The following BNIP2 variants were observed in gnomAD, a reference collection of about 807,000 sequenced individuals.
The protein encoded by BNIP2 is BCL2 interacting protein 2, also known as BCL2/adenovirus E1B 19 kDa protein-interacting protein 2.
BNIP2 carries 36 observed loss-of-function variants against 43.4 expected under a neutral mutation model. The observed-to-expected ratio is 0.83, with a 90% CI of 0.64 to 1.10. The LOEUF is 1.10. BNIP2 is among the 50% of genes least tolerant of loss of function. The probability of loss-of-function intolerance (pLI) is 0.00; values close to 1 mark genes in which losing one functional copy is unlikely to be tolerated. For missense variants in BNIP2, 417 were observed against 374.1 expected, an observed-to-expected ratio of 1.11 and a Z score of -0.95; for synonymous variants, 146 against 121.0, an observed-to-expected ratio of 1.21 and a Z score of -1.35.
At chr15:59,680,011 A>G (rs1322978026) in intron 3 of BNIP2, among the ~76,000 whole-genome samples, 2 of 152,198 alleles carry the variant, frequency 1.3e-5, no homozygotes, top group South Asian at 4.1e-4. Context: ...TCTTACCACT[A>G]AAAATGATCT....
intron 9 of BNIP2, among the ~76,000 whole-genome samples, chr15:59,664,532 C>T (rs1044842809): frequency 3.3e-5 from 5 of 152,112 alleles, no homozygotes; most frequent in African/African-American, 9.7e-5. Flanking sequence ...CAGGCGCCCG[C>T]CACCATGCCC....
intron 7 of BNIP2, 114 bp from the exon 8 acceptor site, chr15:59,669,476 A>T: frequency 1.5e-6 from 1 of 686,558 alleles, no homozygotes; most frequent in East Asian, 3.1e-5. Flanking sequence ...AAAAGTTCTC[A>T]ATTAGGTGTG....
rs1016640204 is a variant in BNIP2, at chr15:59,664,092, C to T, written c.922G>A (p.Asp308Asn). ...QVDQELNGKQ[D>N]EPKNEQ ...ACTTACTGTTCATTTTTCGGTTCAT[C>T]TTGTTTTCCATTAAGTTCTTGATCA... Residue 308 changes from aspartate (D) to asparagine (N), a missense_variant, in exon 10 of 10, where the codon GAT (aspartate) becomes AAT (asparagine). By Grantham distance (23) the Asp-to-Asn change is conservative. Transcript: ENST00000607373. 3 of 1,549,272 alleles carry T rather than the reference C, an allele frequency of 1.9e-6. No individual in the cohort carries two copies. Among genetic ancestry groups the T allele is most frequent in the African/African-American group, 2.7e-5 (2 of 73,080 alleles).
intron 4 of BNIP2, chr15:59,678,933 C>A: frequency 1.8e-6 from 2 of 1,127,714 alleles, no homozygotes; most frequent in Admixed American, 3.5e-5. Context: ...GTTTATTGAA[C>A]CAGTAAAACA....
At chr15:59,682,925 G>A (rs1183675694) in intron 1 of BNIP2, among the ~76,000 whole-genome samples, 1 of 152,114 alleles carries the variant, frequency 6.6e-6, no homozygotes, top group African/African-American at 2.4e-5. Context: ...GTAAATAATA[G>A]TAAATCAATA....
Position 59,676,939 on chromosome 15 carries a change from C to T in BNIP2, c.472+972G>A, listed in dbSNP as rs115633067. 5.4e-4 allele frequency: 875 copies of T among 1,611,716 alleles called. 4 individuals are homozygous for T. In the African/African-American group the frequency reaches 0.011, roughly 20 times the overall value. ...ACGGACTCTTCACCCTCTGCGAGAA[C>T]AGCATGATCCTCTCTGCTGCCATCT... On this transcript the variant is annotated intron_variant, in intron 5 of 9. Coordinates refer to ENST00000607373, the MANE Select transcript of BNIP2 (RefSeq NM_004330.4).
chr15:59,669,652 A>C (rs1595690756), intron 7 of BNIP2, among the ~76,000 whole-genome samples: 1 of 152,198 alleles, frequency 6.6e-6, no homozygotes, highest in South Asian at 2.1e-4. Flanking sequence ...GTAAACAGGG[A>C]AAGAGGCCAA....
intron 5 of BNIP2, among the ~76,000 whole-genome samples, chr15:59,674,298 C>T (rs1893130395): frequency 6.6e-6 from 1 of 152,050 alleles, no homozygotes; most frequent in South Asian, 2.1e-4. Flanking sequence ...ATTTCAAGAA[C>T]ATCAGAATCT....
At chr15:59,683,489 G>T (rs1285920492) in intron 1 of BNIP2, among the ~76,000 whole-genome samples, 1 of 152,132 alleles carries the variant, frequency 6.6e-6, no homozygotes, top group Non-Finnish European at 1.5e-5. Flanking sequence ...GAGATACGGA[G>T]CATCACTAGC....
At chr15:59,673,430 A>T (rs1315226769) in intron 5 of BNIP2, among the ~76,000 whole-genome samples, 1 of 151,670 alleles carries the variant, frequency 6.6e-6, no homozygotes, top group Admixed American at 6.6e-5. Context: ...GTGCTTTTTT[A>T]AATTTTTTTT....
Position 59,668,905 on chromosome 15 carries a change from C to T in BNIP2, c.880G>A (p.Glu294Lys). Reference protein sequence around the residue: ...LVPMEYVGIPECIKQVDQELN... With the variant: ...LVPMEYVGIPKCIKQVDQELN... Reference sequence around the variant, plus strand: ...AACAAAACATACTGTTTTATGCATTCTGGTATGCCAACGTATTCCATGGGG... The same window carrying T: ...AACAAAACATACTGTTTTATGCATTTTGGTATGCCAACGTATTCCATGGGG... The change falls in exon 9 of 10, where the codon GAA becomes AAA. Residue 294 changes from glutamate (E) to lysine (K), a missense_variant. Coordinates refer to ENST00000607373, the MANE Select transcript of BNIP2 (RefSeq NM_004330.4). The T allele has an allele frequency of 6.2e-7, 1 of 1,613,190 alleles. No individual in the cohort carries two copies. Among genetic ancestry groups the T allele is most frequent in the Non-Finnish European group, 8.5e-7 (1 of 1,179,372 alleles).
At position 59,660,488 on chromosome 15, in the gene BNIP2, T is replaced by C. The variant is rs1380771689; in HGVS notation, c.*3581A>G. On this transcript the variant is annotated 3_prime_UTR_variant, in exon 10 of 10. Transcript: ENST00000607373. ...CAGGAAACTGGCCTGTTCTATCTGA[T>C]ATGTCCTAATGCTAATTTATCACTT... is the stretch of plus-strand genomic sequence containing the variant. 1 of 152,228 alleles carries C rather than the reference T, an allele frequency of 6.6e-6. No individual in the cohort carries two copies. Among genetic ancestry groups the C allele is most frequent in the Non-Finnish European group, 1.5e-5 (1 of 68,044 alleles). The allele number at this position is 152,228 out of a possible 1,614,324, so 9.4% of individuals were successfully genotyped here. A position where few individuals can be genotyped will look rare whatever the true frequency, so the allele number is the denominator to read the frequency against.
chr15:59,668,842 C>A lies in BNIP2; in HGVS notation c.893+50G>T, dbSNP rs752696984. 9 of 1,468,314 alleles carry A rather than the reference C, an allele frequency of 6.1e-6. No homozygotes were observed. The Admixed American group carries it at 1.2e-4, about 20-fold the overall frequency. 91.0% of individuals were successfully genotyped at this position (1,468,314 alleles called of 1,614,324 possible). On this transcript the variant is annotated intron_variant, in intron 9 of 9. Transcript: ENST00000607373. ...GTATTGAAAAGTATTATCCATTGCACATCAAAATGTTAAGATCCAATACAA... is the reference window on the plus strand; with the variant it reads ...GTATTGAAAAGTATTATCCATTGCAAATCAAAATGTTAAGATCCAATACAA...
At chr15:59,677,776 A>G in intron 5 of BNIP2, 135 bp downstream of exon 5, 1 of 1,236,826 alleles carries the variant, frequency 8.1e-7, no homozygotes, top group African/African-American at 1.5e-5. Flanking sequence ...AATGTCCTAC[A>G]AAAGACGAGT....
intron 5 of BNIP2, among the ~76,000 whole-genome samples, chr15:59,675,887 T>C (rs1893252892): frequency 2.0e-5 from 3 of 152,202 alleles, no homozygotes. Flanking sequence ...TTAGTTACTA[T>C]ATATGAAATT....
chr15:59,679,836 A>G, intron 3 of BNIP2, 68 bp from the exon 4 acceptor site: 1 of 1,273,156 alleles, frequency 7.9e-7, no homozygotes, highest in Admixed American at 3.4e-5. Context: ...TGAATAAGAA[A>G]AATTTTAACT....
At chr15:59,685,235 C>T (rs1302174755) in intron 1 of BNIP2, among the ~76,000 whole-genome samples, 2 of 152,184 alleles carry the variant, frequency 1.3e-5, no homozygotes, top group Non-Finnish European at 2.9e-5. Context: ...CGTGGTGGCT[C>T]ACACCTGTAA....
rs1213499870 is a variant in BNIP2, at chr15:59,659,757, CATTA to C, written c.*4308_*4311del. On this transcript the variant is annotated 3_prime_UTR_variant, in exon 10 of 10. Transcript: ENST00000607373. ...CTAAGACATCCTACAAGCCTAGTAT[CATTA>C]ATTTGAAAGCACGAAATGATTTTCA... The C allele has an allele frequency of 1.3e-5, 2 of 152,152 alleles. No individual in the cohort carries two copies. Among genetic ancestry groups the C allele is most frequent in the African/African-American group, 4.8e-5 (2 of 41,426 alleles). 9.4% of individuals were successfully genotyped at this position (152,152 alleles called of 1,614,324 possible). A position where few individuals can be genotyped will look rare whatever the true frequency, so the allele number is the denominator to read the frequency against.
intron 9 of BNIP2, among the ~76,000 whole-genome samples, chr15:59,664,877 G>A (rs1892474549): frequency 6.6e-6 from 1 of 152,178 alleles, no homozygotes; most frequent in African/African-American, 2.4e-5. Context: ...GATAAAAAAT[G>A]CATCCTTATA....
Sources: gnomAD v4.1 joint callset for allele counts (sites outside exome capture counted in the v4.1 genomes callset) on GRCh38, gnomAD v4.1.1 for gene constraint, MANE v1.5 for transcripts, NCBI Gene and HGNC (gene_info 2026-07-23, HGNC 2026-07-21) for gene names.